ZC3H12B: variants seen among roughly 807,000 people sequenced by gnomAD.
ZC3H12B encodes zinc finger CCCH-type containing 12B.
ZC3H12B carries 7 observed loss-of-function variants against 43.9 expected under a neutral mutation model. The observed-to-expected ratio is 0.16, with a 90% confidence interval of 0.09 to 0.30. The LOEUF (loss-of-function observed/expected upper bound fraction) is 0.30, where lower values mean the gene tolerates loss of function less well. Among genes scored for constraint, ZC3H12B ranks in the 10% least tolerant of loss-of-function variants. The pLI, the probability that ZC3H12B is intolerant of heterozygous loss-of-function variation, is 1.00. For synonymous variants in ZC3H12B, 222 were observed against 241.7 expected (o/e 0.92, Z 0.76); for missense variants, 475 against 670.2 (o/e 0.71, Z 3.22).
chrX:65,476,092 C>T (rs2067988006), intron 3 of ZC3H12B, among the ~76,000 whole-genome samples: 1 of 112,089 alleles, frequency 8.9e-6, no homozygotes, highest in African/African-American at 3.2e-5. Flanking sequence ...TATAATTGGT[C>T]TCAGTGAAGA....
chrX:65,380,228 A>C (rs2066416953), intron 2 of ZC3H12B, among the ~76,000 whole-genome samples: 1 of 112,208 alleles, frequency 8.9e-6, no homozygotes, highest in African/African-American at 3.2e-5. Flanking sequence ...TTATCCTCAA[A>C]GGGAAGCCCA....
At chrX:65,211,334 T>C in the ZC3H12B span, among the ~76,000 whole-genome samples, 2 of 108,813 alleles carry the variant, frequency 1.8e-5, no homozygotes, top group Non-Finnish European at 3.8e-5. Flanking sequence ...TTTCCAAAAA[T>C]CTGTGGGAAT....
the ZC3H12B span, among the ~76,000 whole-genome samples, chrX:65,145,246 T>A: frequency 9.1e-6 from 1 of 109,898 alleles, no homozygotes; most frequent in African/African-American, 3.3e-5. Context: ...TTTTCTTTTT[T>A]TTTTTTTAAC....
At chrX:65,096,638 G>A in the ZC3H12B span, among the ~76,000 whole-genome samples, 1 of 111,357 alleles carries the variant, frequency 9.0e-6, no homozygotes, top group South Asian at 3.7e-4. Context: ...AGAAAATGGG[G>A]CAGAGAATCA....
the ZC3H12B span, among the ~76,000 whole-genome samples, chrX:65,171,111 G>A: frequency 9.0e-6 from 1 of 111,567 alleles, no homozygotes; most frequent in Non-Finnish European, 1.9e-5. Context: ...TGGAGGAGAA[G>A]AGGCACTCTG....
the ZC3H12B span, among the ~76,000 whole-genome samples, chrX:65,334,313 A>G: frequency 3.6e-5 from 4 of 112,168 alleles, no homozygotes; most frequent in Admixed American, 9.5e-5. Flanking sequence ...CTTTTACAAG[A>G]TTAATTTTTC....
chrX:65,047,422 G>C, the ZC3H12B span, among the ~76,000 whole-genome samples: 1 of 110,878 alleles, frequency 9.0e-6, no homozygotes, highest in Non-Finnish European at 1.9e-5. Context: ...TAAGCACTCT[G>C]TGTATGTGTG....
chrX:65,258,734 T>C, the ZC3H12B span, among the ~76,000 whole-genome samples: 1 of 111,746 alleles, frequency 8.9e-6, no homozygotes, highest in Non-Finnish European at 1.9e-5. Flanking sequence ...GGATACCAAA[T>C]TGATGTACAA....
the ZC3H12B span, among the ~76,000 whole-genome samples, chrX:65,122,553 A>G: frequency 9.0e-6 from 1 of 111,611 alleles, no homozygotes; most frequent in Non-Finnish European, 1.9e-5. Context: ...TTAAATGTAT[A>G]TGGACTAAGT....
the ZC3H12B span, among the ~76,000 whole-genome samples, chrX:65,172,466 C>T: frequency 8.9e-6 from 1 of 112,205 alleles, no homozygotes; most frequent in Non-Finnish European, 1.9e-5. Context: ...GCATTTGTTG[C>T]AACTGCTTTT....
At chrX:65,211,775 A>T in the ZC3H12B span, among the ~76,000 whole-genome samples, 1 of 81,962 alleles carries the variant, frequency 1.2e-5, no homozygotes, top group African/African-American at 5.1e-5. Context: ...TGTATGTTAT[A>T]TAATATATTA....
chrX:65,093,620 T>G, the ZC3H12B span, among the ~76,000 whole-genome samples: 7 of 112,068 alleles, frequency 6.2e-5, no homozygotes, highest in Admixed American at 9.4e-5. Flanking sequence ...CCCTGCTGGG[T>G]TTTGGACTTG....
chrX:65,231,225 T>A, the ZC3H12B span, among the ~76,000 whole-genome samples: 1 of 109,571 alleles, frequency 9.1e-6, no homozygotes, highest in Non-Finnish European at 1.9e-5. Flanking sequence ...GAATAGGGAG[T>A]GGGTCACAGA....
At chrX:65,251,761 C>A in the ZC3H12B span, among the ~76,000 whole-genome samples, 226 of 111,380 alleles carry the variant, frequency 2.0e-3, 1 homozygote, top group African/African-American at 7.0e-3. Context: ...TATAAGAATG[C>A]TTGTGATTTT....
At chrX:65,137,982 C>T in the ZC3H12B span, among the ~76,000 whole-genome samples, 1 of 111,700 alleles carries the variant, frequency 9.0e-6, no homozygotes, top group African/African-American at 3.3e-5. Flanking sequence ...GCGTGCACCA[C>T]CATGCCCAGC....
At chrX:65,426,126 C>A (rs1370469968) in intron 3 of ZC3H12B, among the ~76,000 whole-genome samples, 1 of 107,108 alleles carries the variant, frequency 9.3e-6, no homozygotes, top group Admixed American at 1.0e-4. Flanking sequence ...TTATTATTGC[C>A]TCAATTTCAG....
chrX:65,128,897 T>C, the ZC3H12B span, among the ~76,000 whole-genome samples: 1 of 111,780 alleles, frequency 8.9e-6, no homozygotes, highest in African/African-American at 3.2e-5. Context: ...TTGCTTGTTG[T>C]ATCTTTTTCT....
At chrX:65,043,877 A>G in the ZC3H12B span, among the ~76,000 whole-genome samples, 1 of 112,207 alleles carries the variant, frequency 8.9e-6, no homozygotes, top group Non-Finnish European at 1.9e-5. Flanking sequence ...TATCTTGGCT[A>G]CCAGGAAACC....
At chrX:65,147,915 G>T in the ZC3H12B span, among the ~76,000 whole-genome samples, 1 of 108,702 alleles carries the variant, frequency 9.2e-6, no homozygotes, top group Non-Finnish European at 1.9e-5. Flanking sequence ...TTCCTGGGGG[G>T]AGCTTGCCAG....
Sources: gnomAD v4.1 joint callset for allele counts (sites outside exome capture counted in the v4.1 genomes callset) on GRCh38, gnomAD v4.1.1 for gene constraint, MANE v1.5 for transcripts, NCBI Gene and HGNC (gene_info 2026-07-23, HGNC 2026-07-21) for gene names.